PCDHGB6: variants seen among roughly 807,000 people sequenced by gnomAD.
PCDHGB6 encodes the protein protocadherin gamma-B6.
PCDHGB6 carries 51 observed loss-of-function variants against 59.1 expected under a neutral mutation model. The observed-to-expected ratio is 0.86, with a 90% CI of 0.69 to 1.09. PCDHGB6 has a LOEUF of 1.09. PCDHGB6 is among the 50% of genes least tolerant of loss of function. PCDHGB6 has a pLI of 0.00. For missense variants in PCDHGB6, 1,148 were observed against 1,205.1 expected (o/e 0.95, Z 0.70); for synonymous variants, 466 against 495.1 (o/e 0.94, Z 0.78).
rs567061101 is a variant in PCDHGB6 at position 141,432,791 on chromosome 5, C to T, written c.2418+22171C>T. The T allele has an allele frequency of 2.7e-5, 44 of 1,614,064 alleles. No homozygotes were observed. Among genetic ancestry groups the T allele is most frequent in the Admixed American group, 8.3e-5 (5 of 60,034 alleles). On this transcript the variant is annotated intron_variant, in intron 1 of 3. Coordinates refer to ENST00000520790, the MANE Select transcript of PCDHGB6 (RefSeq NM_018926.3). The surrounding 1 kb of genome is among the most constrained non-coding windows in gnomAD (Gnocchi z 6.0). ...CCAAGTCCTGGCGGACCTCGGCAGC[C>T]TCGAGTCTCCAGCTAACTCTGAAAC... is the stretch of plus-strand genomic sequence containing the variant.
rs771124496 is a variant in PCDHGB6, at chr5:141,489,457, C to T, written c.2419-5350C>T. The T allele has an allele frequency of 1.2e-5, 19 of 1,613,882 alleles. No homozygotes were observed. The highest frequency in any genetic ancestry group is 6.7e-5 in the African/African-American group (5 of 74,896). Reference sequence around the variant, plus strand: ...GCAATTGGGCTCTGAGGAGAATGGGCGCTATTTTTCCCTGAGCTTGATGAG... The same window carrying T: ...GCAATTGGGCTCTGAGGAGAATGGGTGCTATTTTTCCCTGAGCTTGATGAG... On this transcript the variant is annotated intron_variant, in intron 1 of 3. Coordinates refer to ENST00000520790, the MANE Select transcript of PCDHGB6 (RefSeq NM_018926.3). The surrounding 1 kb of genome is among the most constrained non-coding windows in gnomAD (Gnocchi z 4.5).
intron 1 of PCDHGB6, among the ~76,000 whole-genome samples, chr5:141,470,729 G>T (rs1253040487): frequency 6.6e-6 from 1 of 152,102 alleles, no homozygotes; most frequent in Non-Finnish European, 1.5e-5. Context: ...TCAGGGTCTT[G>T]CTCTGTCGCC....
At position 141,491,134 on chromosome 5, in the gene PCDHGB6, C is replaced by T. The variant is rs1594979273; in HGVS notation, c.2419-3673C>T. Reference sequence around the variant, plus strand: ...ACACACTGGTGAGGTGCGCACAGCCCGGGCCTTACTGGAGGATGACTCTGA... The same window carrying T: ...ACACACTGGTGAGGTGCGCACAGCCTGGGCCTTACTGGAGGATGACTCTGA... On this transcript the variant is annotated intron_variant, in intron 1 of 3. Transcript: ENST00000520790. The surrounding 1 kb of genome is among the most constrained non-coding windows in gnomAD (Gnocchi z 6.9). The T allele has an allele frequency of 6.2e-7, 1 of 1,614,138 alleles. No homozygotes were observed. Among genetic ancestry groups the T allele is most frequent in the Non-Finnish European group, 8.5e-7 (1 of 1,179,994 alleles).
chr5:141,474,981 G>A (rs1336399018), intron 1 of PCDHGB6, among the ~76,000 whole-genome samples: 1 of 152,126 alleles, frequency 6.6e-6, no homozygotes, highest in African/African-American at 2.4e-5. Context: ...ATTTTGTTTG[G>A]TGACAACAAT....
At chr5:141,421,977 G>A in intron 1 of PCDHGB6, 1 of 1,609,542 alleles carries the variant, frequency 6.2e-7, no homozygotes, top group Admixed American at 1.7e-5. Context: ...TATATCGCGT[G>A]AGTGTTCCAG....
In PCDHGB6 at chr5:141,423,130, G is replaced by A. The variant is rs770258338; in HGVS notation, c.2418+12510G>A. On this transcript the variant is annotated intron_variant, in intron 1 of 3. Coordinates refer to ENST00000520790, the MANE Select transcript of PCDHGB6 (RefSeq NM_018926.3). The stretch of plus-strand genomic sequence containing the variant: ...GGTGCGTACAGCGCGGGCACTGCTG[G>A]ACAGAGACGCGCTCAAGCAGAGCCT... The A allele has an allele frequency of 9.3e-6, 15 of 1,613,582 alleles. No individual in the cohort carries two copies. Among genetic ancestry groups the A allele is most frequent in the Middle Eastern group, 1.6e-4 (1 of 6,072 alleles).
chr5:141,446,759 G>A (rs983129633), intron 1 of PCDHGB6, among the ~76,000 whole-genome samples: 5 of 152,026 alleles, frequency 3.3e-5, no homozygotes, highest in Admixed American at 1.3e-4. Flanking sequence ...GAGCCACCGC[G>A]CCCAGCCGGT....
intron 1 of PCDHGB6, among the ~76,000 whole-genome samples, chr5:141,467,960 C>T (rs1303642319): frequency 6.6e-6 from 1 of 151,998 alleles, no homozygotes; most frequent in Non-Finnish European, 1.5e-5. Flanking sequence ...CACCCGGCTG[C>T]CAGAAAATTT....
chr5:141,504,561 T>G (rs1023434942), intron 2 of PCDHGB6, among the ~76,000 whole-genome samples: 1 of 150,052 alleles, frequency 6.7e-6, no homozygotes, highest in Non-Finnish European at 1.5e-5. Context: ...GGGACTGGCA[T>G]TCTAGGGAAC....
At chr5:141,428,021 C>A (rs1185050109) in intron 1 of PCDHGB6, 2 of 1,605,604 alleles carry the variant, frequency 1.2e-6, no homozygotes, top group Non-Finnish European at 1.7e-6. Flanking sequence ...TGCCACGCGC[C>A]GCAGAGTCCG....
chr5:141,481,066 A>G (rs1366968394), intron 1 of PCDHGB6, among the ~76,000 whole-genome samples: 1 of 152,156 alleles, frequency 6.6e-6, no homozygotes, highest in Non-Finnish European at 1.5e-5. Flanking sequence ...TCAAAAACAA[A>G]AAGAAAGAAA....
intron 1 of PCDHGB6, among the ~76,000 whole-genome samples, chr5:141,460,270 C>T (rs1223096441): frequency 6.6e-6 from 1 of 151,828 alleles, no homozygotes; most frequent in Non-Finnish European, 1.5e-5. Context: ...TTTATTTTTT[C>T]TTTTATAGTT....
chr5:141,421,031 T>A, intron 1 of PCDHGB6: 1 of 529,760 alleles, frequency 1.9e-6, no homozygotes, highest in Non-Finnish European at 3.3e-6. Context: ...CGCCATTGAG[T>A]CCCTCCCTCC....
At position 141,435,341 on chromosome 5, in the gene PCDHGB6, C is replaced by T. The variant is rs73794903; in HGVS notation, c.2418+24721C>T. 9.3e-3 allele frequency among the ~76,000 whole-genome samples: 1,412 copies of T among 152,206 alleles called. 25 individuals carry two copies. Among genetic ancestry groups the T allele is most frequent in the African/African-American group, 0.032 (1,313 of 41,532 alleles). On this transcript the variant is annotated intron_variant, in intron 1 of 3. Coordinates refer to ENST00000520790, the MANE Select transcript of PCDHGB6 (RefSeq NM_018926.3). ...ACTTCCAAATATAGTGAATTTATTT[C>T]TTCTGCATTTAAAATTTTATCACTT...
rs1460175237 is a variant in PCDHGB6, at chr5:141,485,185, G to A, written c.2419-9622G>A. ...AGCGGGCGGCAGCAATGCTCCGCAAGGTGAGAAGCTGGACAGAAATCTGGC... is the reference window on the plus strand; with the variant it reads ...AGCGGGCGGCAGCAATGCTCCGCAAAGTGAGAAGCTGGACAGAAATCTGGC... On this transcript the variant is annotated intron_variant, in intron 1 of 3. Transcript: ENST00000520790. This position sits in a 1 kb window ranked among gnomAD's most constrained non-coding sequence, Gnocchi z 5.7. 3.1e-6 allele frequency: 5 copies of A among 1,613,528 alleles called. No individual in the cohort carries two copies. Among genetic ancestry groups the A allele is most frequent in the African/African-American group, 2.7e-5 (2 of 75,052 alleles).
At chr5:141,442,708 A>C (rs2098338740) in intron 1 of PCDHGB6, among the ~76,000 whole-genome samples, 2 of 152,254 alleles carry the variant, frequency 1.3e-5, no homozygotes, top group Non-Finnish European at 2.9e-5. Context: ...AGTATCAGAC[A>C]TGCCAGAGCA....
Position 141,491,265 on chromosome 5 carries a change from CA to C in PCDHGB6, c.2419-3539del. ...AGGATGAGGACCCTGAGGAAATGCC[CA>C]AATCCAGTGACTTCCTCATACACCC... On this transcript the variant is annotated intron_variant, in intron 1 of 3. Coordinates refer to ENST00000520790, the MANE Select transcript of PCDHGB6 (RefSeq NM_018926.3). This position sits in a 1 kb window ranked among gnomAD's most constrained non-coding sequence, Gnocchi z 6.9. 1 of 1,614,074 alleles carries C rather than the reference CA, an allele frequency of 6.2e-7. No individual in the cohort carries two copies.
intron 1 of PCDHGB6, chr5:141,418,451 A>AG (rs2096259161): frequency 3.1e-6 from 5 of 1,614,046 alleles, no homozygotes; most frequent in Non-Finnish European, 4.2e-6. Context: ...AGTATTGCAG[A>AG]AGACTCTGGA....
intron 1 of PCDHGB6, among the ~76,000 whole-genome samples, chr5:141,488,305 T>C (rs1452293355): frequency 6.6e-6 from 1 of 152,234 alleles, no homozygotes; most frequent in African/African-American, 2.4e-5. Context: ...AAATCACTTA[T>C]GTCAGAAAAC....
Sources: allele counts gnomAD v4.1 joint callset (sites outside exome capture counted in the v4.1 genomes callset), GRCh38; gene constraint gnomAD v4.1.1; non-coding constraint Gnocchi (gnomAD v3.1); transcripts MANE v1.5; gene names NCBI Gene and HGNC (gene_info 2026-07-23, HGNC 2026-07-21).